The following SLC17A8 variants were observed in gnomAD, a reference collection of about 807,000 sequenced individuals.
The protein encoded by SLC17A8 is solute carrier family 17 member 8.
A neutral mutation model predicts 58.0 loss-of-function variants in SLC17A8; 31 were observed. The observed-to-expected ratio is 0.53, with a 90% confidence interval of 0.40 to 0.72. The LOEUF is 0.72. Ranked by LOEUF, SLC17A8 falls within the 30% of genes least tolerant of loss-of-function variation. SLC17A8 has a pLI of 0.00. For missense variants in SLC17A8, 655 were observed against 727.8 expected (o/e 0.90, Z 1.15); for synonymous variants, 228 against 249.0 (o/e 0.92, Z 0.79).
intron 11 of SLC17A8, among the ~76,000 whole-genome samples, chr12:100,418,626 G>A (rs560515547): frequency 3.3e-5 from 5 of 152,324 alleles, no homozygotes; most frequent in South Asian, 2.1e-4. Flanking sequence ...AGTTGTTACT[G>A]AGCCTTTGTG....
rs146272641 is a variant in SLC17A8, at chr12:100,388,099, A to G, written c.355-2902A>G. Among the ~76,000 whole-genome samples, 204 of 152,118 alleles carry G rather than the reference A, an allele frequency of 1.3e-3. 1 individual carries two copies. In the East Asian group the frequency reaches 0.017, roughly 13 times the overall value. On this transcript the variant is annotated intron_variant, in intron 2 of 11. Coordinates refer to ENST00000323346, the MANE Select transcript of SLC17A8 (RefSeq NM_139319.3). ...CCTCTAACACGCAAGACACAACCCT[A>G]CCTTGGGTCCCTTGTACTTGCTGTT...
rs953668136 is a variant in SLC17A8 at position 100,421,310 on chromosome 12, T to C, written c.*1151T>C. The C allele has an allele frequency of 6.6e-6, 1 of 152,174 alleles. No individual in the cohort carries two copies. Among genetic ancestry groups the C allele is most frequent in the Non-Finnish European group, 1.5e-5 (1 of 68,014 alleles). The allele number at this position is 152,174 out of a possible 1,614,324, so 9.4% of individuals were successfully genotyped here. ...TATATTAGGAAGTTTCATCAGATTG[T>C]ATAAAATTATGATTTTGTATCAAAA... On this transcript the variant is annotated 3_prime_UTR_variant, in exon 12 of 12. Coordinates refer to ENST00000323346, the MANE Select transcript of SLC17A8 (RefSeq NM_139319.3).
At chr12:100,402,308 A>T (rs747229365) in intron 6 of SLC17A8, 32 bp from the exon 7 acceptor site, 1 of 1,613,726 alleles carries the variant, frequency 6.2e-7, no homozygotes, top group Non-Finnish European at 8.5e-7. Context: ...AAATGAGACC[A>T]TATAACCCAG....
At chr12:100,396,140 C>T (rs1952752032) in intron 4 of SLC17A8, among the ~76,000 whole-genome samples, 190 bp from the exon 5 acceptor site, 1 of 152,186 alleles carries the variant, frequency 6.6e-6, no homozygotes, top group South Asian at 2.1e-4. Flanking sequence ...AGGTCCATCT[C>T]CAAATACCAT....
intron 2 of SLC17A8, among the ~76,000 whole-genome samples, chr12:100,381,938 T>C (rs1448681933): frequency 6.6e-6 from 1 of 152,234 alleles, no homozygotes; most frequent in Non-Finnish European, 1.5e-5. Flanking sequence ...ATATTTGCTA[T>C]TTCCACGTGG....
intron 1 of SLC17A8, among the ~76,000 whole-genome samples, chr12:100,379,344 A>G (rs1592992733): frequency 6.6e-6 from 1 of 151,786 alleles, no homozygotes; most frequent in African/African-American, 2.4e-5. Flanking sequence ...TTGAGGCAGG[A>G]GAATTGCTTG....
intron 1 of SLC17A8, among the ~76,000 whole-genome samples, chr12:100,360,452 T>G (rs1380418345): frequency 2.0e-5 from 3 of 152,168 alleles, no homozygotes; most frequent in East Asian, 1.9e-4. Context: ...TTCTTTTTTT[T>G]GGGATAGGGT....
intron 1 of SLC17A8, among the ~76,000 whole-genome samples, chr12:100,373,316 T>C (rs1036101734): frequency 8.5e-5 from 13 of 152,168 alleles, no homozygotes; most frequent in Admixed American, 8.5e-4. Flanking sequence ...AGTTCGTTTT[T>C]CTTCTCTTAT....
chr12:100,372,017 C>T (rs1278452432), intron 1 of SLC17A8, among the ~76,000 whole-genome samples: 2 of 152,148 alleles, frequency 1.3e-5, no homozygotes, highest in Non-Finnish European at 2.9e-5. Flanking sequence ...AAGTAGTCAA[C>T]GTCCTTCAGT....
At chr12:100,396,445 T>G (rs1952754725) in intron 5 of SLC17A8, 28 bp downstream of exon 5, 4 of 1,592,170 alleles carry the variant, frequency 2.5e-6, no homozygotes, top group African/African-American at 2.7e-5. Flanking sequence ...GTAACAAATT[T>G]TATTTATGAA....
intron 10 of SLC17A8, among the ~76,000 whole-genome samples, chr12:100,413,403 T>C (rs1593007780): frequency 6.6e-6 from 1 of 152,068 alleles, no homozygotes; most frequent in East Asian, 1.9e-4. Flanking sequence ...CTGAACAGGG[T>C]AAAGAATAAT....
intron 2 of SLC17A8, among the ~76,000 whole-genome samples, chr12:100,387,967 C>T (rs964533421): frequency 6.6e-6 from 1 of 152,172 alleles, no homozygotes; most frequent in African/African-American, 2.4e-5. Context: ...AGCCAGAGTT[C>T]CGGTGATGTC....
intron 1 of SLC17A8, among the ~76,000 whole-genome samples, chr12:100,371,897 G>A (rs938363473): frequency 6.6e-6 from 1 of 152,166 alleles, no homozygotes; most frequent in Non-Finnish European, 1.5e-5. Context: ...GAGCGTCTCA[G>A]TCTTCTGAGC....
chr12:100,377,933 G>A (rs1952606595), intron 1 of SLC17A8, among the ~76,000 whole-genome samples: 1 of 152,160 alleles, frequency 6.6e-6, no homozygotes. Context: ...TAGCAAAATT[G>A]TCATTACTTA....
At chr12:100,365,123 G>A (rs908359197) in intron 1 of SLC17A8, among the ~76,000 whole-genome samples, 2 of 152,122 alleles carry the variant, frequency 1.3e-5, no homozygotes, top group Non-Finnish European at 2.9e-5. Flanking sequence ...GACCACTTCC[G>A]TCTTATGATG....
chr12:100,372,359 T>A (rs1290379606), intron 1 of SLC17A8, among the ~76,000 whole-genome samples: 1 of 152,140 alleles, frequency 6.6e-6, no homozygotes, highest in Non-Finnish European at 1.5e-5. Flanking sequence ...TATTTATGTA[T>A]TTTTTTGAAA....
chr12:100,413,000 AC>A, intron 10 of SLC17A8, 120 bp downstream of exon 10: 1 of 809,952 alleles, frequency 1.2e-6, no homozygotes, highest in Non-Finnish European at 2.2e-6. Context: ...AGAGAGCAGG[AC>A]CACCGTCCAG....
At chr12:100,394,846 A>C (rs1952741999) in intron 4 of SLC17A8, among the ~76,000 whole-genome samples, 1 of 147,766 alleles carries the variant, frequency 6.8e-6, no homozygotes, top group African/African-American at 2.5e-5. Context: ...TAATATATAT[A>C]GTGTATATAT....
intron 1 of SLC17A8, among the ~76,000 whole-genome samples, chr12:100,366,062 T>C (rs1952518767): frequency 1.3e-5 from 2 of 149,852 alleles, no homozygotes; most frequent in Admixed American, 6.6e-5. Flanking sequence ...TTTTTTTTTT[T>C]TTTTTTTTTT....
Sources: allele counts gnomAD v4.1 joint callset (sites outside exome capture counted in the v4.1 genomes callset), GRCh38; gene constraint gnomAD v4.1.1; transcripts MANE v1.5; gene names NCBI Gene and HGNC (gene_info 2026-07-23, HGNC 2026-07-21).